CTNNA3: variants seen among roughly 807,000 people sequenced by gnomAD.
The protein encoded by CTNNA3 is catenin alpha 3, also known as catenin alpha-3.
Under a neutral mutation model 95.7 loss-of-function variants are expected in CTNNA3, and 76 were observed. The observed-to-expected ratio is 0.79, with a 90% CI of 0.66 to 0.96. The LOEUF (loss-of-function observed/expected upper bound fraction) is 0.96. Ranked by LOEUF, CTNNA3 falls within the 40% of genes least tolerant of loss-of-function variation. CTNNA3 has a pLI of 0.00. For missense variants in CTNNA3, 1,191 were observed against 1,089.8 expected, an observed-to-expected ratio of 1.09 and a Z score of -1.31; for synonymous variants, 431 against 374.4, an observed-to-expected ratio of 1.15 and a Z score of -1.74.
intron 9 of CTNNA3, among the ~76,000 whole-genome samples, chr10:66,673,958 TCA>T (rs1846754848): frequency 6.6e-6 from 1 of 151,984 alleles, no homozygotes; most frequent in Non-Finnish European, 1.5e-5. Context: ...TTTAGAAATC[TCA>T]CAATAATATC....
intron 9 of CTNNA3, among the ~76,000 whole-genome samples, chr10:66,716,457 C>G (rs74141659): frequency 0.011 from 1,741 of 152,230 alleles, 40 homozygotes; most frequent in African/African-American, 0.04. Context: ...TGCAAATGTT[C>G]ATGGCATTTG....
intron 5 of CTNNA3, among the ~76,000 whole-genome samples, chr10:67,223,385 A>T (rs1254336398): frequency 2.0e-5 from 3 of 152,260 alleles, no homozygotes; most frequent in Non-Finnish European, 4.4e-5. Flanking sequence ...CATAAAGTCA[A>T]AATAGGCATT....
intron 4 of CTNNA3, among the ~76,000 whole-genome samples, chr10:67,530,133 G>A (rs1195034910): frequency 6.6e-6 from 1 of 152,170 alleles, no homozygotes; most frequent in African/African-American, 2.4e-5. Context: ...CCCAGTCTCA[G>A]GTATGTCTTT....
At chr10:66,981,172 G>C (rs995594720) in intron 7 of CTNNA3, among the ~76,000 whole-genome samples, 1 of 152,164 alleles carries the variant, frequency 6.6e-6, no homozygotes, top group East Asian at 1.9e-4. Context: ...CCAAAGTGCT[G>C]GGATTACAGG....
chr10:67,441,776 A>G (rs9415880), intron 5 of CTNNA3, among the ~76,000 whole-genome samples: 129,274 of 152,018 alleles, frequency 0.85, 56,270 homozygotes, highest in Non-Finnish European at 0.95. Flanking sequence ...GAATTTCATC[A>G]AGACCAGACC....
chr10:66,583,820 T>A lies in CTNNA3; in HGVS notation c.1374+37872A>T, dbSNP rs1294784742. Among the ~76,000 whole-genome samples, 3 of 151,860 alleles carry A rather than the reference T, an allele frequency of 2.0e-5. No individual in the cohort carries two copies. The East Asian group carries it at 5.8e-4, about 29-fold the overall frequency. On this transcript the variant is annotated intron_variant, in intron 10 of 17. Coordinates refer to ENST00000433211, the MANE Select transcript of CTNNA3 (RefSeq NM_013266.4). ...AATTATTGATGTTGGCATTTTGCAC[T>A]ATAAACTTTCCTCTTAGCTTTGCTT...
chr10:67,132,927 G>A (rs1860094193), intron 7 of CTNNA3, among the ~76,000 whole-genome samples: 1 of 151,742 alleles, frequency 6.6e-6, no homozygotes, highest in Non-Finnish European at 1.5e-5. Flanking sequence ...GTGAGTGGGG[G>A]TGAGGGGGTA....
chr10:66,483,213 A>T (rs117613254), intron 11 of CTNNA3, among the ~76,000 whole-genome samples: 2,368 of 152,322 alleles, frequency 0.016, 40 homozygotes, highest in East Asian at 0.067. Flanking sequence ...TCCTTGGGCA[A>T]ATTAATTAAT....
At chr10:66,121,479 C>G (rs2082570690) in intron 13 of CTNNA3, among the ~76,000 whole-genome samples, 1 of 152,088 alleles carries the variant, frequency 6.6e-6, no homozygotes, top group South Asian at 2.1e-4. Flanking sequence ...CACACACACA[C>G]ACACTATCTT....
intron 7 of CTNNA3, among the ~76,000 whole-genome samples, chr10:67,174,084 C>T (rs1589822403): frequency 6.6e-6 from 1 of 152,192 alleles, no homozygotes; most frequent in Non-Finnish European, 1.5e-5. Flanking sequence ...TTGGAATATT[C>T]TCCATTACTT....
At chr10:66,638,367 G>A (rs1279080846) in intron 9 of CTNNA3, among the ~76,000 whole-genome samples, 5 of 152,198 alleles carry the variant, frequency 3.3e-5, no homozygotes, top group Admixed American at 2.6e-4. Flanking sequence ...AATTTCAAAT[G>A]AATGTATTTT....
chr10:66,860,033 G>A (rs1326967700), intron 7 of CTNNA3, among the ~76,000 whole-genome samples: 6 of 105,434 alleles, frequency 5.7e-5, no homozygotes, highest in Non-Finnish European at 1.9e-5. Flanking sequence ...GGGGGAGGGG[G>A]GAGGGATAGC....
In CTNNA3 at chr10:66,357,250, C is replaced by G. The variant is rs533637353; in HGVS notation, c.1732+21902G>C. On this transcript the variant is annotated intron_variant, in intron 12 of 17. Transcript: ENST00000433211. ...GGCCTGGAGTTTTATCTCTTGAAAG[C>G]ATTTAAACTGCCAATTTAATTTCTG... Among the ~76,000 whole-genome samples, 10 of 152,220 alleles carry G rather than the reference C, an allele frequency of 6.6e-5. 1 individual carries two copies. The South Asian group carries it at 2.1e-3, about 32-fold the overall frequency.
intron 12 of CTNNA3, among the ~76,000 whole-genome samples, chr10:66,373,928 C>T (rs1489739297): frequency 6.6e-6 from 1 of 152,234 alleles, no homozygotes; most frequent in African/African-American, 2.4e-5. Context: ...TAACTCTGGA[C>T]AGTAATGAAT....
chr10:67,232,869 T>G (rs1437435905), intron 5 of CTNNA3, among the ~76,000 whole-genome samples: 2 of 151,834 alleles, frequency 1.3e-5, no homozygotes, highest in African/African-American at 4.8e-5. Flanking sequence ...TCCTAGTCTC[T>G]GATAAAACAG....
intron 5 of CTNNA3, among the ~76,000 whole-genome samples, chr10:67,397,516 A>G (rs1469729756): frequency 6.6e-6 from 1 of 152,198 alleles, no homozygotes; most frequent in Non-Finnish European, 1.5e-5. Context: ...GAAGCAGAGC[A>G]TAAAAGTTCG....
intron 5 of CTNNA3, among the ~76,000 whole-genome samples, chr10:67,351,617 T>C (rs1467711271): frequency 1.3e-5 from 2 of 151,950 alleles, no homozygotes; most frequent in African/African-American, 2.4e-5. Context: ...AGCTGTAAAA[T>C]GTTTATAGAT....
At chr10:66,244,799 AAAAC>A (rs2090244314) in intron 13 of CTNNA3, among the ~76,000 whole-genome samples, 2 of 152,218 alleles carry the variant, frequency 1.3e-5, no homozygotes, top group African/African-American at 4.8e-5. Flanking sequence ...TGTGAAGACT[AAAAC>A]AAATACCTAA....
intron 13 of CTNNA3, among the ~76,000 whole-genome samples, chr10:66,142,404 A>G (rs148913377): frequency 6.6e-6 from 1 of 152,260 alleles, no homozygotes; most frequent in Non-Finnish European, 1.5e-5. Flanking sequence ...TGTCTTGATT[A>G]TGGAAGCTTT....
Sources: allele counts gnomAD v4.1 joint callset (sites outside exome capture counted in the v4.1 genomes callset), GRCh38; gene constraint gnomAD v4.1.1; transcripts MANE v1.5; gene names NCBI Gene and HGNC (gene_info 2026-07-23, HGNC 2026-07-21).